Variants in MTA1 observed in about 807,000 individuals in gnomAD.
MTA1 encodes the protein metastasis associated 1, also known as metastasis-associated protein MTA1.
A neutral mutation model predicts 97.0 loss-of-function variants in MTA1; 15 were observed. The observed-to-expected ratio is 0.15, with a 90% CI of 0.10 to 0.24. The LOEUF (loss-of-function observed/expected upper bound fraction) is 0.24, where lower values mean the gene tolerates loss of function less well. Ranked by LOEUF, MTA1 falls within the 10% of genes least tolerant of loss-of-function variation. The probability of loss-of-function intolerance (pLI) is 1.00; values close to 1 mark genes in which losing one functional copy is unlikely to be tolerated. For synonymous variants in MTA1, 435 were observed against 417.5 expected, an observed-to-expected ratio of 1.04 and a Z score of -0.51; for missense variants, 709 against 1,015.1, an observed-to-expected ratio of 0.70 and a Z score of 4.10.
rs2141386485 is a variant in MTA1, at chr14:105,422,925, CCT to C, written c.28+2865_28+2866del. Among the ~76,000 whole-genome samples the C allele has an allele frequency of 6.6e-6, 1 of 152,266 alleles. No individual in the cohort carries two copies. The highest frequency in any genetic ancestry group is 2.1e-4 in the South Asian group (1 of 4,822). On this transcript the variant is annotated intron_variant, in intron 1 of 20. Coordinates refer to ENST00000331320, the MANE Select transcript of MTA1 (RefSeq NM_004689.4). This position sits in a 1 kb window ranked among gnomAD's most constrained non-coding sequence, Gnocchi z 4.3. ...GGGTGGCGGGGTCAGGGTTCCCTGA[CCT>C]CTGCTTCTCAAGGGTTGTCCATCCC...
intron 2 of MTA1, among the ~76,000 whole-genome samples, chr14:105,443,255 C>T (rs2141519714): frequency 6.6e-6 from 1 of 152,306 alleles, no homozygotes; most frequent in African/African-American, 2.4e-5. Flanking sequence ...TGAGCAGATA[C>T]AGATGCGAAG....
chr14:105,464,228 C>A, intron 13 of MTA1, 81 bp downstream of exon 13: 1 of 1,484,586 alleles, frequency 6.7e-7, no homozygotes. Flanking sequence ...AGGGCTCCAG[C>A]ATGGCCCAGC....
At chr14:105,435,696 C>T (rs1390953617) in intron 1 of MTA1, among the ~76,000 whole-genome samples, 1 of 152,196 alleles carries the variant, frequency 6.6e-6, no homozygotes, top group Non-Finnish European at 1.5e-5. Context: ...CATCTGGGCG[C>T]AGAGTTCTTG....
At chr14:105,423,206 TTTTG>T (rs1297075165) in intron 1 of MTA1, among the ~76,000 whole-genome samples, 5 of 151,388 alleles carry the variant, frequency 3.3e-5, no homozygotes, top group African/African-American at 9.8e-5. Flanking sequence ...TTTGGATTTT[TTTTG>T]TTTAATTTTT....
rs1555427922 is a variant in MTA1, at chr14:105,449,036, C to T, written c.191-323C>T. On this transcript the variant is annotated intron_variant, in intron 3 of 20. Coordinates refer to ENST00000331320, the MANE Select transcript of MTA1 (RefSeq NM_004689.4). ...CCATGCTGCTGGCCGGTGCCCGGCC[C>T]CGGTCTCATCTGGACAGCCTGTTCT... 11 of 318,366 alleles carry T rather than the reference C, an allele frequency of 3.5e-5. 1 individual carries two copies. Among genetic ancestry groups the T allele is most frequent in the Non-Finnish European group, 5.8e-5 (10 of 173,586 alleles). The allele number at this position is 318,366 out of a possible 1,614,324, so 19.7% of individuals were successfully genotyped here. A position where few individuals can be genotyped will look rare whatever the true frequency, so the allele number is the denominator to read the frequency against.
rs1224470814 is a variant in MTA1 at position 105,420,822 on chromosome 14, G to A, written c.28+759G>A. 6.6e-6 allele frequency among the ~76,000 whole-genome samples: 1 copy of A among 152,198 alleles called. No individual in the cohort carries two copies. Among genetic ancestry groups the A allele is most frequent in the Non-Finnish European group, 1.5e-5 (1 of 68,024 alleles). On this transcript the variant is annotated intron_variant, in intron 1 of 20. Transcript: ENST00000331320. This position sits in a 1 kb window ranked among gnomAD's most constrained non-coding sequence, Gnocchi z 5.3. ...CCCTCCTTCGTGTGCCTGGGACTCC[G>A]TGGGGTCTTTCACAGGAAGGTGGGG...
intron 13 of MTA1, 117 bp downstream of exon 13, chr14:105,464,264 G>A: frequency 1.4e-6 from 2 of 1,411,626 alleles, no homozygotes; most frequent in Non-Finnish European, 1.9e-6. Flanking sequence ...TGACGATGGG[G>A]GCTGCGTCCC....
rs1198806658 is a variant in MTA1, at chr14:105,470,415, G to T, written c.*200G>T. Reference sequence around the variant, plus strand: ...ATTCCGAGAATGCCGAGGAGTTGTCGTTTTTAGCTTTGTGTTTACTTTTTG... The same window carrying T: ...ATTCCGAGAATGCCGAGGAGTTGTCTTTTTTAGCTTTGTGTTTACTTTTTG... On this transcript the variant is annotated 3_prime_UTR_variant, in exon 21 of 21. Coordinates refer to ENST00000331320, the MANE Select transcript of MTA1 (RefSeq NM_004689.4). 3 of 509,494 alleles carry T rather than the reference G, an allele frequency of 5.9e-6. No homozygotes were observed. The highest frequency in any genetic ancestry group is 2.9e-5 in the South Asian group (1 of 34,064). 31.6% of individuals were successfully genotyped at this position (509,494 alleles called of 1,614,324 possible).
chr14:105,435,086 G>T (rs868944055), intron 1 of MTA1, among the ~76,000 whole-genome samples: 1 of 152,172 alleles, frequency 6.6e-6, no homozygotes, highest in Non-Finnish European at 1.5e-5. Flanking sequence ...CACCACTGAG[G>T]ATGATGCTAG....
Position 105,458,236 on chromosome 14 carries a change from C to T in MTA1, c.551-34C>T, listed in dbSNP as rs781885384. The stretch of plus-strand genomic sequence containing the variant: ...GGCGCGGCCCGGCGCGCCGTGGGAC[C>T]CCGTCTCAGAAAGGCCACACTTCCT... On this transcript the variant is annotated intron_variant, in intron 7 of 20. Coordinates refer to ENST00000331320, the MANE Select transcript of MTA1 (RefSeq NM_004689.4). The T allele has an allele frequency of 1.6e-5, 26 of 1,592,118 alleles. No homozygotes were observed. The African/African-American group carries it at 3.2e-4, about 20-fold the overall frequency.
At position 105,420,161 on chromosome 14, in the gene MTA1, C is replaced by T; in HGVS notation, c.28+98C>T. 3.3e-6 allele frequency: 2 copies of T among 597,932 alleles called. No individual in the cohort carries two copies. Among genetic ancestry groups the T allele is most frequent in the Non-Finnish European group, 4.2e-6 (2 of 473,756 alleles). 37.0% of individuals were successfully genotyped at this position (597,932 alleles called of 1,614,324 possible). Reference sequence around the variant, plus strand: ...CCGCCCCTCTGCCCCGCAGGCCCCGCGCCCCCCGCCCGCCCTCGCGGCCCC... The same window carrying T: ...CCGCCCCTCTGCCCCGCAGGCCCCGTGCCCCCCGCCCGCCCTCGCGGCCCC... On this transcript the variant is annotated intron_variant, in intron 1 of 20. Coordinates refer to ENST00000331320, the MANE Select transcript of MTA1 (RefSeq NM_004689.4). The surrounding 1 kb of genome is among the most constrained non-coding windows in gnomAD (Gnocchi z 5.3).
rs201203788 is a variant in MTA1 at position 105,464,022 on chromosome 14, C to T, written c.1077-10C>T. 125 of 1,612,266 alleles carry T rather than the reference C, an allele frequency of 7.8e-5. No homozygotes were observed. Among genetic ancestry groups the T allele is most frequent in the Non-Finnish European group, 9.7e-5 (115 of 1,179,658 alleles). On this transcript the variant is annotated splice_polypyrimidine_tract_variant and intron_variant, in intron 12 of 20. Coordinates refer to ENST00000331320, the MANE Select transcript of MTA1 (RefSeq NM_004689.4). ...TGCAACTCCTCTCGTCTCTCCTTTC[C>T]CTCTTTAAGTAACAAGCCAAATCCG...
At position 105,463,208 on chromosome 14, in the gene MTA1, A is replaced by G; in HGVS notation, c.967A>G (p.Ile323Val). Reference protein sequence around the residue: ...DFLPWKSLTSIIEYYYMWKTT... With the variant: ...DFLPWKSLTSVIEYYYMWKTT... ...GCTCCCGTGGAAGTCGCTGACCAGC[A>G]TCATTGAGTACTACTACATGTGGAA... The change falls in exon 11 of 21, where the codon ATC (isoleucine) becomes GTC (valine). Residue 323 changes from isoleucine (I) to valine (V), a missense_variant. By Grantham distance (29) the Ile-to-Val change is conservative. Transcript: ENST00000331320. This position sits in a 1 kb window ranked among gnomAD's most constrained non-coding sequence, Gnocchi z 5.9. The G allele has an allele frequency of 2.5e-6, 4 of 1,611,678 alleles. No individual in the cohort carries two copies. Among genetic ancestry groups the G allele is most frequent in the Non-Finnish European group, 3.4e-6 (4 of 1,179,858 alleles).
rs1374200893 is a variant in MTA1 at position 105,470,561 on chromosome 14, T to A, written c.*346T>A. 1.3e-5 allele frequency: 3 copies of A among 236,322 alleles called. No individual in the cohort carries two copies. The highest frequency in any genetic ancestry group is 2.4e-5 in the Non-Finnish European group (3 of 124,488). 14.6% of individuals were successfully genotyped at this position (236,322 alleles called of 1,614,324 possible). A position where few individuals can be genotyped will look rare whatever the true frequency, so the allele number is the denominator to read the frequency against. ...GTGCCATTTTAAATTTTATTTTTATTACTTTTTTTGTAGATGAACTTGAGC... is the reference window on the plus strand; with the variant it reads ...GTGCCATTTTAAATTTTATTTTTATAACTTTTTTTGTAGATGAACTTGAGC... On this transcript the variant is annotated 3_prime_UTR_variant, in exon 21 of 21. Transcript: ENST00000331320.
At chr14:105,427,688 A>T (rs587628272) in intron 1 of MTA1, among the ~76,000 whole-genome samples, 7 of 152,200 alleles carry the variant, frequency 4.6e-5, no homozygotes, top group Admixed American at 3.3e-4. Context: ...GCAAACAATG[A>T]GAATTGACTC....
At chr14:105,470,027 CA>C (rs1267778475) in intron 20 of MTA1, 35 bp downstream of exon 20, 2 of 1,612,532 alleles carry the variant, frequency 1.2e-6, no homozygotes, top group Admixed American at 3.3e-5. Flanking sequence ...GAGGGCTCCG[CA>C]CAGCGTCCCG....
chr14:105,444,656 T>G (rs2082654367), intron 2 of MTA1, among the ~76,000 whole-genome samples: 1 of 151,744 alleles, frequency 6.6e-6, no homozygotes, highest in Non-Finnish European at 1.5e-5. Context: ...CTGGTCGTGG[T>G]GGCTCACGCT....
At chr14:105,462,222 GT>G (rs1555431222) in intron 10 of MTA1, among the ~76,000 whole-genome samples, 1 of 152,242 alleles carries the variant, frequency 6.6e-6, no homozygotes, top group Non-Finnish European at 1.5e-5. Context: ...GCCAGATGCA[GT>G]GGACCAGACT....
In MTA1 at chr14:105,427,169, C is replaced by A. The variant is rs2082037988; in HGVS notation, c.28+7106C>A. 2.6e-5 allele frequency among the ~76,000 whole-genome samples: 4 copies of A among 152,228 alleles called. No individual in the cohort carries two copies. The South Asian group carries it at 8.3e-4, about 31-fold the overall frequency. ...CTATTTGTTAAAACTTACGTGTAAC[C>A]CCAAAATTCACACTTATGTCACTTT... On this transcript the variant is annotated intron_variant, in intron 1 of 20. Transcript: ENST00000331320.
Sources: allele counts gnomAD v4.1 joint callset (sites outside exome capture counted in the v4.1 genomes callset), GRCh38; gene constraint gnomAD v4.1.1; non-coding constraint Gnocchi (gnomAD v3.1); transcripts MANE v1.5; gene names NCBI Gene and HGNC (gene_info 2026-07-23, HGNC 2026-07-21).